The following RBPJ variants were observed in gnomAD, a reference collection of about 807,000 sequenced individuals.
RBPJ encodes recombination signal binding protein for immunoglobulin kappa J region.
Under a neutral mutation model 67.8 loss-of-function variants are expected in RBPJ, and 9 were observed. The observed-to-expected ratio is 0.13, with a 90% CI of 0.08 to 0.23. The LOEUF is 0.23. Among genes scored for constraint, RBPJ ranks in the 10% least tolerant of loss-of-function variants. The pLI is 1.00. For missense variants in RBPJ, 305 were observed against 595.6 expected (o/e 0.51, Z 5.08); for synonymous variants, 198 against 203.3 (o/e 0.97, Z 0.22).
intron 1 of RBPJ, among the ~76,000 whole-genome samples, chr4:26,362,280 G>A (rs1452757009): frequency 2.0e-5 from 3 of 152,204 alleles, no homozygotes; most frequent in Non-Finnish European, 2.9e-5. Context: ...AGCAAGGACT[G>A]TCACTCTATT....
rs115999380 is a variant in RBPJ at position 26,434,793 on chromosome 4, A to G, written c.*3786A>G. On this transcript the variant is annotated 3_prime_UTR_variant, in exon 11 of 11. Transcript: ENST00000355476. Reference sequence around the variant, plus strand: ...AAGGTTTATTAGCAATAAGATAGAAAATTGAGCAAGTTTATACCATAATTT... The same window carrying G: ...AAGGTTTATTAGCAATAAGATAGAAGATTGAGCAAGTTTATACCATAATTT... 147 of 152,336 alleles carry G rather than the reference A, an allele frequency of 9.6e-4. No homozygotes were observed. Among genetic ancestry groups the G allele is most frequent in the African/African-American group, 3.3e-3 (139 of 41,586 alleles). 9.4% of individuals were successfully genotyped at this position (152,336 alleles called of 1,614,324 possible).
At chr4:26,426,915 G>C (rs1382746377) in intron 7 of RBPJ, among the ~76,000 whole-genome samples, 1 of 152,192 alleles carries the variant, frequency 6.6e-6, no homozygotes, top group African/African-American at 2.4e-5. Flanking sequence ...ATCCCTCTCT[G>C]TATCTAGGGT....
rs541588797 is a variant in RBPJ, at chr4:26,339,189, C to T, written c.20+18141C>T. ...TTTCAAATATAATCTGTTACTTGAA[C>T]GTGGTGTTTAGTACCCAGGAGGTCT... On this transcript the variant is annotated intron_variant, in intron 1 of 10. Transcript: ENST00000355476. Among the ~76,000 whole-genome samples the T allele has an allele frequency of 7.2e-4, 110 of 152,180 alleles. 1 individual carries two copies. Among genetic ancestry groups the T allele is most frequent in the African/African-American group, 2.6e-3 (108 of 41,510 alleles).
intron 1 of RBPJ, among the ~76,000 whole-genome samples, chr4:26,265,633 G>A (rs907769354): frequency 5.3e-5 from 8 of 152,184 alleles, no homozygotes; most frequent in Non-Finnish European, 1.2e-4. Context: ...TTCCTAAGGA[G>A]AGAGTCTTAA....
intron 7 of RBPJ, chr4:26,428,498 G>T: frequency 4.7e-6 from 2 of 429,776 alleles, no homozygotes; most frequent in South Asian, 4.4e-5. Context: ...GATGTTCAGG[G>T]AAGAGGGTAA....
chr4:26,205,582 TA>T (rs1553848525), intron 1 of RBPJ, among the ~76,000 whole-genome samples: 1 of 152,086 alleles, frequency 6.6e-6, no homozygotes, highest in Non-Finnish European at 1.5e-5. Context: ...AGACACCATC[TA>T]AAAAAAATTT....
upstream of RBPJ, chr4:26,320,775 TCG>T: frequency 6.4e-7 from 1 of 1,554,648 alleles, no homozygotes; most frequent in East Asian, 2.4e-5. Context: ...CACGGAGGGC[TCG>T]CCCGCGGAGG....
intron 1 of RBPJ, among the ~76,000 whole-genome samples, chr4:26,279,993 C>T (rs1324234075): frequency 2.6e-5 from 4 of 151,388 alleles, no homozygotes; most frequent in South Asian, 2.1e-4. Context: ...TGCCACATTG[C>T]CCAGGCTGAT....
At chr4:26,142,749 C>T in the RBPJ span, among the ~76,000 whole-genome samples, 2 of 151,994 alleles carry the variant, frequency 1.3e-5, no homozygotes, top group Non-Finnish European at 2.9e-5. Flanking sequence ...AAGCATTTGT[C>T]TATTTTGAGT....
At chr4:26,188,522 G>C (rs1011603267) in intron 1 of RBPJ, among the ~76,000 whole-genome samples, 5 of 152,098 alleles carry the variant, frequency 3.3e-5, no homozygotes, top group Non-Finnish European at 7.4e-5. Flanking sequence ...ATCTGTCACA[G>C]AACAAGTTGA....
At chr4:26,318,831 C>G (rs945722834), upstream of RBPJ, among the ~76,000 whole-genome samples, 2 of 151,402 alleles carry the variant, frequency 1.3e-5, no homozygotes, top group African/African-American at 4.9e-5. Flanking sequence ...ACTCCGTCTA[C>G]TAAAAAATAG....
Position 26,238,147 on chromosome 4 carries a change from G to C in RBPJ, c.-167+74533G>C, listed in dbSNP as rs115642802. ...CACAATCACAGATCACTACAGCATC[G>C]ACCTCCCAGCCTCAAGTAATCCTCC... On this transcript the variant is annotated intron_variant, in intron 1 of 4. Coordinates refer to the RBPJ transcript ENST00000512351. Among the ~76,000 whole-genome samples, 441 of 152,142 alleles carry C rather than the reference G, an allele frequency of 2.9e-3. 2 individuals are homozygous for C. The highest frequency in any genetic ancestry group is 0.01 in the African/African-American group (419 of 41,502).
chr4:26,413,815 C>G (rs1317977517), intron 3 of RBPJ, among the ~76,000 whole-genome samples: 2 of 152,136 alleles, frequency 1.3e-5, no homozygotes, highest in Non-Finnish European at 2.9e-5. Context: ...AAGTTTTTTT[C>G]TTTTAGTCTG....
the RBPJ span, among the ~76,000 whole-genome samples, chr4:26,139,766 G>A: frequency 5.3e-5 from 8 of 152,316 alleles, no homozygotes; most frequent in Middle Eastern, 3.4e-3. Flanking sequence ...AGAGATGAGC[G>A]TCTTTGCCTG....
intron 1 of RBPJ, among the ~76,000 whole-genome samples, chr4:26,221,216 A>G (rs910622243): frequency 2.0e-5 from 3 of 152,062 alleles, no homozygotes; most frequent in Non-Finnish European, 2.9e-5. Context: ...TCAGCCTCCC[A>G]AGTAGCTGGG....
intron 1 of RBPJ, among the ~76,000 whole-genome samples, chr4:26,259,952 T>A: frequency 6.6e-6 from 1 of 152,234 alleles, no homozygotes; most frequent in East Asian, 1.9e-4. Context: ...TACCATAAGT[T>A]TGATCTTTAT....
At chr4:26,183,935 C>T (rs1363980473) in intron 1 of RBPJ, among the ~76,000 whole-genome samples, 1 of 152,060 alleles carries the variant, frequency 6.6e-6, no homozygotes, top group African/African-American at 2.4e-5. Context: ...TCGCTTGAAC[C>T]CAGGAGGCGG....
chr4:26,376,503 C>T (rs1729753839), intron 1 of RBPJ, among the ~76,000 whole-genome samples: 3 of 152,072 alleles, frequency 2.0e-5, no homozygotes. Context: ...ATGTATGTAC[C>T]ACATTTTTGT....
intron 1 of RBPJ, among the ~76,000 whole-genome samples, chr4:26,359,428 T>TTC (rs1319852550): frequency 2.7e-4 from 41 of 151,202 alleles, no homozygotes; most frequent in Non-Finnish European, 1.2e-4. Context: ...TTTTTTTTTT[T>TTC]TTTTTAACAT....
Sources: gnomAD v4.1 joint callset for allele counts (sites outside exome capture counted in the v4.1 genomes callset) on GRCh38, gnomAD v4.1.1 for gene constraint, MANE v1.5 for transcripts, NCBI Gene and HGNC (gene_info 2026-07-23, HGNC 2026-07-21) for gene names.